The following CACNA1G variants were observed in gnomAD, a reference collection of about 807,000 sequenced individuals.
CACNA1G encodes voltage-dependent T-type calcium channel subunit alpha-1G.
A neutral mutation model predicts 219.4 loss-of-function variants in CACNA1G; 67 were observed. That is an observed-to-expected ratio of 0.31 (90% CI 0.25 to 0.37). The LOEUF (loss-of-function observed/expected upper bound fraction) is 0.37. Ranked by LOEUF, CACNA1G falls within the 10% of genes least tolerant of loss-of-function variation. The pLI, the probability that CACNA1G is intolerant of heterozygous loss-of-function variation, is 1.00. For missense variants in CACNA1G, 2,380 were observed against 3,231.4 expected (o/e 0.74, Z 6.39); for synonymous variants, 1,296 against 1,345.3 (o/e 0.96, Z 0.80).
rs750956355 is a variant in CACNA1G at position 50,626,894 on chromosome 17, C to G, written c.*143C>G. On this transcript the variant is annotated 3_prime_UTR_variant, in exon 38 of 38. Transcript: ENST00000359106. This position sits in a 1 kb window ranked among gnomAD's most constrained non-coding sequence, Gnocchi z 4.3. Reference sequence around the variant, plus strand: ...TCCCTGCCTCAGTGGCTCTGGGTACCTGCAAGCAGAACTTCCAAAGAGAGT... The same window carrying G: ...TCCCTGCCTCAGTGGCTCTGGGTACGTGCAAGCAGAACTTCCAAAGAGAGT... The G allele has an allele frequency of 9.5e-7, 1 of 1,047,358 alleles. No homozygotes were observed. The allele number at this position is 1,047,358 out of a possible 1,614,324, so 64.9% of individuals were successfully genotyped here.
chr17:50,566,565 G>C (rs1425306167), intron 1 of CACNA1G, among the ~76,000 whole-genome samples: 2 of 152,228 alleles, frequency 1.3e-5, no homozygotes. Flanking sequence ...GGTGGGGACA[G>C]AAAGAGGGGC....
chr17:50,612,209 G>A (rs1436666213), intron 26 of CACNA1G, among the ~76,000 whole-genome samples: 1 of 152,252 alleles, frequency 6.6e-6, no homozygotes, highest in African/African-American at 2.4e-5. Context: ...AGAGTCAAAC[G>A]CAGTCCAGGG....
chr17:50,618,900 C>T lies in CACNA1G; in HGVS notation c.5673C>T (p.Leu1891=). ...QPHSPLGSPF[L]WPGVEGPDSP... is the part of the protein sequence containing the mutation. ...ACTCGCCACTGGGCAGCCCCTTCCT[C>T]TGGCCTGGGGTCGAGGGCCCCGACA... The change falls in exon 33 of 38, where the codon CTC becomes CTT. Residue 1891 remains leucine (L), a synonymous_variant. Transcript: ENST00000359106. This position sits in a 1 kb window ranked among gnomAD's most constrained non-coding sequence, Gnocchi z 5.3. The T allele has an allele frequency of 1.9e-6, 3 of 1,610,884 alleles. No homozygotes were observed. Among genetic ancestry groups the T allele is most frequent in the Non-Finnish European group, 2.5e-6 (3 of 1,178,576 alleles).
chr17:50,621,893 C>G lies in CACNA1G; in HGVS notation c.6060+99C>G. 7.5e-7 allele frequency: 1 copy of G among 1,331,778 alleles called. No homozygotes were observed. Among genetic ancestry groups the G allele is most frequent in the African/African-American group, 1.4e-5 (1 of 69,492 alleles). 82.5% of individuals were successfully genotyped at this position (1,331,778 alleles called of 1,614,324 possible). ...AGGGAGGGTCCTGGGGCCGCCTCCT[C>G]TCAGTTTGCTGCCAGGCTCCACCCA... On this transcript the variant is annotated intron_variant, in intron 35 of 37. Transcript: ENST00000359106. The surrounding 1 kb of genome is among the most constrained non-coding windows in gnomAD (Gnocchi z 4.6).
chr17:50,622,063 AAGTGAATCCAGACACCCAGG>A (rs2052253661), intron 35 of CACNA1G, among the ~76,000 whole-genome samples: 1 of 152,142 alleles, frequency 6.6e-6, no homozygotes, highest in Non-Finnish European at 1.5e-5. Context: ...CATTATGAAA[AAGTGAATCCAGACACCCAGG>A]AGTGACACGG....
chr17:50,562,490 C>T (rs985300488), intron 1 of CACNA1G, among the ~76,000 whole-genome samples: 1 of 152,072 alleles, frequency 6.6e-6, no homozygotes, highest in Non-Finnish European at 1.5e-5. Flanking sequence ...GCCTCCTACC[C>T]GATCTCCATT....
chr17:50,567,339 T>C (rs2038176734), intron 1 of CACNA1G, among the ~76,000 whole-genome samples: 1 of 151,976 alleles, frequency 6.6e-6, no homozygotes, highest in Non-Finnish European at 1.5e-5. Flanking sequence ...AGCAGGCATG[T>C]GAGTCTAGGG....
chr17:50,566,740 G>A (rs2037977271), intron 1 of CACNA1G, among the ~76,000 whole-genome samples: 1 of 152,222 alleles, frequency 6.6e-6, no homozygotes, highest in Non-Finnish European at 1.5e-5. Flanking sequence ...AGTCTTCCCA[G>A]GTATTGATCA....
intron 13 of CACNA1G, among the ~76,000 whole-genome samples, chr17:50,593,170 A>ATTAG (rs1334020829): frequency 6.6e-6 from 1 of 152,116 alleles, no homozygotes; most frequent in Non-Finnish European, 1.5e-5. Flanking sequence ...GGACGCCGGT[A>ATTAG]TGCTCCCTGG....
Position 50,624,341 on chromosome 17 carries a change from C to A in CACNA1G, c.6230-19C>A. ...CCATTCTCTCCCCCCACCCCTCCCC[C>A]GCTTCCCTCCCTCCACAGGCTCCGT... On this transcript the variant is annotated intron_variant, in intron 36 of 37. Coordinates refer to ENST00000359106, the MANE Select transcript of CACNA1G (RefSeq NM_018896.5). 1 of 1,471,220 alleles carries A rather than the reference C, an allele frequency of 6.8e-7. No homozygotes were observed. Among genetic ancestry groups the A allele is most frequent in the East Asian group, 2.5e-5 (1 of 40,556 alleles). The allele number at this position is 1,471,220 out of a possible 1,614,324, so 91.1% of individuals were successfully genotyped here.
Position 50,578,355 on chromosome 17 carries a change from C to G in CACNA1G, c.2092C>G (p.Gln698Glu). Reference protein sequence around the residue: ...SDSEAVYEFTQDAQHSDLRDP... With the variant: ...SDSEAVYEFTEDAQHSDLRDP... ...CAGCGAGGCAGTTTATGAGTTCACA[C>G]AGGATGCCCAGCACAGCGACCTCCG... is the stretch of plus-strand genomic sequence containing the variant. The change falls in exon 9 of 38, where the codon CAG becomes GAG. Residue 698 changes from glutamine to glutamate, a missense_variant. Around this residue, in one of 17 missense-constraint regions of CACNA1G, gnomAD observed 434 missense variants for 417.3 expected, o/e 1.04. Transcript: ENST00000359106. The surrounding 1 kb of genome is among the most constrained non-coding windows in gnomAD (Gnocchi z 4.5). 1 of 1,613,278 alleles carries G rather than the reference C, an allele frequency of 6.2e-7. No homozygotes were observed. Among genetic ancestry groups the G allele is most frequent in the Non-Finnish European group, 8.5e-7 (1 of 1,179,880 alleles).
Position 50,578,176 on chromosome 17 carries a change from C to G in CACNA1G, c.1925-12C>G. Reference sequence around the variant, plus strand: ...GACTCTGGAGCCTCTCACCTCTACTCTCCTGTTCCAGGTGCCTGCCAAAGC... The same window carrying G: ...GACTCTGGAGCCTCTCACCTCTACTGTCCTGTTCCAGGTGCCTGCCAAAGC... On this transcript the variant is annotated splice_polypyrimidine_tract_variant and intron_variant, in intron 8 of 37. Coordinates refer to ENST00000359106, the MANE Select transcript of CACNA1G (RefSeq NM_018896.5). The surrounding 1 kb of genome is among the most constrained non-coding windows in gnomAD (Gnocchi z 4.5). 1 of 1,554,748 alleles carries G rather than the reference C, an allele frequency of 6.4e-7. No homozygotes were observed. Among genetic ancestry groups the G allele is most frequent in the South Asian group, 1.2e-5 (1 of 82,228 alleles).
chr17:50,580,660 C>T (rs1013668930), intron 9 of CACNA1G, among the ~76,000 whole-genome samples: 1 of 152,152 alleles, frequency 6.6e-6, no homozygotes, highest in Non-Finnish European at 1.5e-5. Context: ...CGGAGACAGC[C>T]CAGGGCTCCC....
rs201146969 is a variant in CACNA1G at position 50,568,913 on chromosome 17, G to A, written c.286G>A (p.Val96Met). The A allele has an allele frequency of 6.6e-4, 1,063 of 1,613,588 alleles. No individual in the cohort carries two copies. Among genetic ancestry groups the A allele is most frequent in the Non-Finnish European group, 8.1e-4 (961 of 1,179,888 alleles). ...CATGTTGGTCATCCTTCTCAACTGCGTGACCCTGGGCATGTTCCGGCCATG... is the reference window on the plus strand; with the variant it reads ...CATGTTGGTCATCCTTCTCAACTGCATGACCCTGGGCATGTTCCGGCCATG... ...ISMLVILLNC[V>M]TLGMFRPCED... The change falls in exon 2 of 38, where the codon GTG becomes ATG. Residue 96 changes from valine (V) to methionine (M), a missense_variant. By Grantham distance (21) the Val-to-Met change is conservative. Coordinates refer to ENST00000359106, the MANE Select transcript of CACNA1G (RefSeq NM_018896.5).
At chr17:50,614,914 C>G (rs2050117328) in intron 26 of CACNA1G, among the ~76,000 whole-genome samples, 1 of 152,224 alleles carries the variant, frequency 6.6e-6, no homozygotes, top group South Asian at 2.1e-4. Context: ...CTCCTCTGCT[C>G]CCCCGAGGGG....
rs778336639 is a variant in CACNA1G, at chr17:50,578,383, A to G, written c.2120A>G (p.Asp707Gly). ...TQDAQHSDLR[D>G]PHSRRQRSLG... Reference sequence around the variant, plus strand: ...GATGCCCAGCACAGCGACCTCCGGGACCCCCACAGCCGGCGGCAACGGAGC... The same window carrying G: ...GATGCCCAGCACAGCGACCTCCGGGGCCCCCACAGCCGGCGGCAACGGAGC... The change falls in exon 9 of 38, where the codon GAC (aspartate) becomes GGC (glycine). Residue 707 changes from aspartate to glycine, a missense_variant. Coordinates refer to ENST00000359106, the MANE Select transcript of CACNA1G (RefSeq NM_018896.5). The surrounding 1 kb of genome is among the most constrained non-coding windows in gnomAD (Gnocchi z 4.5). 3 of 1,613,158 alleles carry G rather than the reference A, an allele frequency of 1.9e-6. No homozygotes were observed. The highest frequency in any genetic ancestry group is 2.2e-5 in the South Asian group (2 of 91,054).
In CACNA1G at chr17:50,575,990, C is replaced by T. The variant is rs776897967; in HGVS notation, c.1588C>T (p.Arg530Cys). 2.3e-5 allele frequency: 35 copies of T among 1,553,804 alleles called. No homozygotes were observed. The highest frequency in any genetic ancestry group is 2.7e-5 in the African/African-American group (2 of 73,194). The change falls in exon 8 of 38, where the codon CGC (arginine) becomes TGC (cysteine). Residue 530 changes from arginine (R) to cysteine (C), a missense_variant. Coordinates refer to ENST00000359106, the MANE Select transcript of CACNA1G (RefSeq NM_018896.5). ...EIQDRDANGSRRLMLPPPSTP... is the reference protein window; with the variant it reads ...EIQDRDANGSCRLMLPPPSTP... ...CCAGGACAGGGATGCCAATGGGTCC[C>T]GCCGGCTCATGCTGCCACCACCCTC...
Position 50,621,736 on chromosome 17 carries a change from C to G in CACNA1G, c.6002C>G (p.Thr2001Arg). Residue 2001 changes from threonine to arginine, a missense_variant, in exon 35 of 38, where the codon ACG becomes AGG. Coordinates refer to ENST00000359106, the MANE Select transcript of CACNA1G (RefSeq NM_018896.5). The surrounding 1 kb of genome is among the most constrained non-coding windows in gnomAD (Gnocchi z 4.6). ...VSEPSCSLALTDDSLPDDMHT... is the reference protein window; with the variant it reads ...VSEPSCSLALRDDSLPDDMHT... ...GAACCGTCCTGCTCTCTAGCTCTGA[C>G]GGATGACTCTTTGCCTGATGACATG... is the stretch of plus-strand genomic sequence containing the variant. 6.2e-7 allele frequency: 1 copy of G among 1,613,982 alleles called. No individual in the cohort carries two copies. Among genetic ancestry groups the G allele is most frequent in the Non-Finnish European group, 8.5e-7 (1 of 1,179,868 alleles).
intron 1 of CACNA1G, chr17:50,563,834 GC>G (rs1314119118): frequency 2.6e-5 from 4 of 152,210 alleles, no homozygotes; most frequent in African/African-American, 9.7e-5. Flanking sequence ...CCTAAGCTGT[GC>G]CCCTCACCAC....
Sources: gnomAD v4.1 joint callset for allele counts (sites outside exome capture counted in the v4.1 genomes callset) on GRCh38, gnomAD v4.1.1 for gene constraint, gnomAD v4.1.1 regional missense constraint, Gnocchi (gnomAD v3.1) non-coding constraint, MANE v1.5 for transcripts, NCBI Gene and HGNC (gene_info 2026-07-23, HGNC 2026-07-21) for gene names.